GSE1: variants seen among roughly 807,000 people sequenced by gnomAD.
GSE1 encodes genetic suppressor element 1.
A neutral mutation model predicts 112.6 loss-of-function variants in GSE1; 32 were observed. The observed-to-expected ratio is 0.28, with a 90% CI of 0.21 to 0.38. GSE1 has a LOEUF of 0.38. Ranked by LOEUF, GSE1 falls within the 10% of genes least tolerant of loss-of-function variation. The pLI is 1.00. For missense variants in GSE1, 2,348 were observed against 1,699.2 expected, an observed-to-expected ratio of 1.38 and a Z score of -6.71; for synonymous variants, 1,115 against 735.6, an observed-to-expected ratio of 1.52 and a Z score of -8.35.
intron 1 of GSE1, among the ~76,000 whole-genome samples, chr16:85,243,982 C>T (rs1396892259): frequency 1.3e-5 from 2 of 152,104 alleles, no homozygotes; most frequent in African/African-American, 4.8e-5. Flanking sequence ...CAAAATTAGC[C>T]AGGTGTGGTG....
At chr16:85,638,027 G>A (rs114116025) in intron 2 of GSE1, among the ~76,000 whole-genome samples, 1,913 of 152,288 alleles carry the variant, frequency 0.013, 42 homozygotes, top group African/African-American at 0.043. Flanking sequence ...GCTGCCCCAC[G>A]CGGCCCCTCC....
chr16:85,368,302 CTT>C (rs1160123191), intron 2 of GSE1, among the ~76,000 whole-genome samples: 1 of 152,186 alleles, frequency 6.6e-6, no homozygotes, highest in Non-Finnish European at 1.5e-5. Context: ...GGGCAGAACT[CTT>C]TGTGCTGGGA....
At chr16:85,474,607 C>G (rs1255249397) in intron 2 of GSE1, among the ~76,000 whole-genome samples, 1 of 151,782 alleles carries the variant, frequency 6.6e-6, no homozygotes, top group African/African-American at 2.4e-5. Context: ...GTCTCCTCCC[C>G]CAGTCCCCCT....
intron 2 of GSE1, among the ~76,000 whole-genome samples, chr16:85,485,212 C>A (rs1031100864): frequency 3.3e-5 from 5 of 152,246 alleles, no homozygotes; most frequent in African/African-American, 1.2e-4. Flanking sequence ...GAGATAGGCA[C>A]CCCAGGGCCA....
At chr16:85,239,530 TCC>T (rs1434249397) in intron 1 of GSE1, among the ~76,000 whole-genome samples, 5 of 152,318 alleles carry the variant, frequency 3.3e-5, no homozygotes, top group African/African-American at 1.2e-4. Flanking sequence ...TGCAAGCCTT[TCC>T]TGGAGCCTGG....
At chr16:85,577,537 T>G (rs2046277330) in intron 1 of GSE1, among the ~76,000 whole-genome samples, 1 of 152,162 alleles carries the variant, frequency 6.6e-6, no homozygotes, top group Non-Finnish European at 1.5e-5. Flanking sequence ...CTGCATGGGC[T>G]CATTTCTCCT....
chr16:85,345,131 C>T (rs1268503491), intron 1 of GSE1, among the ~76,000 whole-genome samples: 2 of 147,752 alleles, frequency 1.4e-5, no homozygotes, highest in Non-Finnish European at 3.0e-5. Flanking sequence ...CAGGGGCCTG[C>T]GGGCCAAGTC....
At chr16:85,292,327 TG>T (rs2045245028) in intron 1 of GSE1, among the ~76,000 whole-genome samples, 1 of 49,226 alleles carries the variant, frequency 2.0e-5, no homozygotes, top group Non-Finnish European at 4.0e-5. Context: ...TTTTTGTTTT[TG>T]TTTTTTTTTT....
chr16:85,218,563 C>T (rs1032869388), intron 1 of GSE1, among the ~76,000 whole-genome samples: 4 of 152,250 alleles, frequency 2.6e-5, no homozygotes, highest in African/African-American at 9.6e-5. Flanking sequence ...GAGCTCAACT[C>T]TGCCACTTGC....
chr16:85,596,197 C>T lies in GSE1; in HGVS notation c.37+39834C>T, dbSNP rs537952447. Reference sequence around the variant, plus strand: ...CACCGCTGCATCGCAGCTCGAAGGACGGATGCATCTGCTCTTCTCACATCA... The same window carrying T: ...CACCGCTGCATCGCAGCTCGAAGGATGGATGCATCTGCTCTTCTCACATCA... On this transcript the variant is annotated intron_variant, in intron 1 of 2. Coordinates refer to the GSE1 transcript ENST00000635906. Among the ~76,000 whole-genome samples the T allele has an allele frequency of 1.4e-3, 210 of 152,238 alleles. 1 individual carries two copies. The South Asian group carries it at 0.016, about 12-fold the overall frequency.
chr16:85,604,559 T>C (rs2047600255), intron 1 of GSE1, among the ~76,000 whole-genome samples: 1 of 150,342 alleles, frequency 6.7e-6, no homozygotes, highest in African/African-American at 2.5e-5. Flanking sequence ...TAATATTCCA[T>C]TGTACACAGA....
At chr16:85,634,264 G>T (rs1313542551) in intron 2 of GSE1, 132 bp downstream of exon 2, 2 of 637,186 alleles carry the variant, frequency 3.1e-6, no homozygotes, top group African/African-American at 3.9e-5. Context: ...CATGGAGCAG[G>T]CAGTGCTGGC....
rs2052060671 is a variant in GSE1 at position 85,657,460 on chromosome 16, CGCGGCAGCG to C, written c.1502_1510del (p.Gln501_Arg503del). The C allele has an allele frequency of 1.2e-6, 2 of 1,609,190 alleles. No individual in the cohort carries two copies. Among genetic ancestry groups the C allele is most frequent in the African/African-American group, 1.3e-5 (1 of 74,824 alleles). On this transcript the variant is annotated inframe_deletion, in exon 8 of 16. Coordinates refer to ENST00000253458, the MANE Select transcript of GSE1 (RefSeq NM_014615.5). ...ACCAATGAGGAGGAGAAGTGGCTGG[CGCGGCAGCG>C]GCGGCTGCGGCAGGAGAAGGAGGAC...
chr16:85,425,855 G>T (rs568379920), intron 2 of GSE1, among the ~76,000 whole-genome samples: 5 of 152,234 alleles, frequency 3.3e-5, no homozygotes, highest in Non-Finnish European at 5.9e-5. Flanking sequence ...CCTAGACTGA[G>T]ACCTCACAAT....
At chr16:85,399,822 T>G (rs1597604487) in intron 2 of GSE1, among the ~76,000 whole-genome samples, 1 of 152,218 alleles carries the variant, frequency 6.6e-6, no homozygotes, top group South Asian at 2.1e-4. Context: ...TGGCAGGTGG[T>G]GAGTGTTCCG....
intron 1 of GSE1, among the ~76,000 whole-genome samples, chr16:85,601,806 C>T (rs1031225965): frequency 6.6e-6 from 1 of 152,166 alleles, no homozygotes. Flanking sequence ...CCCCAGGGCC[C>T]GCCTATCCTG....
At chr16:85,385,851 G>GGCTCCA (rs1224916035) in intron 2 of GSE1, among the ~76,000 whole-genome samples, 2 of 152,192 alleles carry the variant, frequency 1.3e-5, no homozygotes, top group South Asian at 2.1e-4. Context: ...GGGCCAGGAC[G>GGCTCCA]GCTCCAGCTC....
At chr16:85,253,050 GCGCCCCCGCCC>G in intron 1 of GSE1, among the ~76,000 whole-genome samples, 1 of 80,874 alleles carries the variant, frequency 1.2e-5, no homozygotes, top group Non-Finnish European at 2.4e-5. Context: ...CAGCTCATAG[GCGCCCCCGCCC>G]CCCCCCCACC....
intron 1 of GSE1, among the ~76,000 whole-genome samples, chr16:85,602,458 C>G (rs762800609): frequency 2.6e-4 from 39 of 152,154 alleles, no homozygotes; most frequent in Non-Finnish European, 5.6e-4. Flanking sequence ...CCTGGCCGCC[C>G]TGGGGTTCTA....
Sources: gnomAD v4.1 joint callset for allele counts (sites outside exome capture counted in the v4.1 genomes callset) on GRCh38, gnomAD v4.1.1 for gene constraint, MANE v1.5 for transcripts, NCBI Gene and HGNC (gene_info 2026-07-23, HGNC 2026-07-21) for gene names.